The following UGT1A9 variants were observed in gnomAD, a reference collection of about 807,000 sequenced individuals.
UGT1A9 encodes the protein UDP-glucuronosyltransferase 1A9.
Under a neutral mutation model 45.0 loss-of-function variants are expected in UGT1A9, and 35 were observed. The observed-to-expected ratio is 0.78, with a 90% CI of 0.59 to 1.03. The LOEUF (loss-of-function observed/expected upper bound fraction) is 1.03, where lower values mean the gene tolerates loss of function less well. Ranked by LOEUF, UGT1A9 falls within the 50% of genes least tolerant of loss-of-function variation. UGT1A9 has a pLI of 0.00. For missense variants in UGT1A9, 687 were observed against 666.6 expected, an observed-to-expected ratio of 1.03 and a Z score of -0.34; for synonymous variants, 278 against 250.6, an observed-to-expected ratio of 1.11 and a Z score of -1.03.
intron 1 of UGT1A9, among the ~76,000 whole-genome samples, chr2:233,702,341 T>C (rs1039044704): frequency 4.6e-5 from 7 of 152,218 alleles, no homozygotes; most frequent in African/African-American, 1.7e-4. Flanking sequence ...TGTTTATTTG[T>C]TCTAATAGTT....
intron 1 of UGT1A9, among the ~76,000 whole-genome samples, chr2:233,688,483 A>G (rs1485805060): frequency 1.3e-5 from 2 of 152,138 alleles, no homozygotes; most frequent in African/African-American, 4.8e-5. Context: ...TCCTATCTCC[A>G]TCCTTTTGGG....
At chr2:233,711,086 CTA>C (rs1559357470) in intron 1 of UGT1A9, among the ~76,000 whole-genome samples, 1 of 152,212 alleles carries the variant, frequency 6.6e-6, no homozygotes, top group Non-Finnish European at 1.5e-5. Context: ...GGCTCCAAGT[CTA>C]TCTGTGCAGC....
At chr2:233,767,511 A>G (rs1020159718) in intron 2 of UGT1A9, among the ~76,000 whole-genome samples, 21 of 152,248 alleles carry the variant, frequency 1.4e-4, no homozygotes, top group African/African-American at 3.9e-4. Context: ...GTTGGTTAGA[A>G]CACTGAATTT....
intron 1 of UGT1A9, chr2:233,693,169 G>C (rs2075135858): frequency 6.2e-7 from 1 of 1,614,188 alleles, no homozygotes; most frequent in African/African-American, 1.3e-5. Flanking sequence ...GGGGTCATGA[G>C]ATTGTAGTGG....
Position 233,773,005 on chromosome 2 carries a change from C to A in UGT1A9, c.*446C>A. ...GTCAGTCCTCATCTCTGTCGTGCTT[C>A]ATAGGTGCCACCTTGTGTGTTTAAA... On this transcript the variant is annotated 3_prime_UTR_variant, in exon 5 of 5. Transcript: ENST00000354728. 4.6e-6 allele frequency: 1 copy of A among 219,060 alleles called. No individual in the cohort carries two copies. 13.6% of individuals were successfully genotyped at this position (219,060 alleles called of 1,614,324 possible).
At position 233,672,552 on chromosome 2, in the gene UGT1A9, AGTACG is replaced by A. The variant is rs2074230618; in HGVS notation, c.620_624del (p.Val207GlufsTer25). 1 of 1,613,814 alleles carries A rather than the reference AGTACG, an allele frequency of 6.2e-7. No homozygotes were observed. Among genetic ancestry groups the A allele is most frequent in the African/African-American group, 1.3e-5 (1 of 74,904 alleles). On this transcript the variant is annotated frameshift_variant, in exon 1 of 5. Transcript: ENST00000354728. LOFTEE classifies it high-confidence loss of function. Reference sequence around the variant, plus strand: ...CAGATGCCATGACTTTCAAGGAGAGAGTACGGAACCACATCATGCACTTGGAGGAA... The same window carrying A: ...CAGATGCCATGACTTTCAAGGAGAGAGAACCACATCATGCACTTGGAGGAA...
intron 1 of UGT1A9, chr2:233,691,573 TG>T: frequency 1.0e-6 from 1 of 985,626 alleles, no homozygotes; most frequent in Non-Finnish European, 1.2e-6. Flanking sequence ...CACCTCTCAC[TG>T]GGACAGCCTA....
chr2:233,728,193 T>C (rs906466862), intron 1 of UGT1A9, among the ~76,000 whole-genome samples: 7 of 152,224 alleles, frequency 4.6e-5, no homozygotes, highest in African/African-American at 1.7e-4. Context: ...AACTTGGTGC[T>C]GGATTGACTT....
intron 1 of UGT1A9, among the ~76,000 whole-genome samples, chr2:233,697,593 A>T (rs1575461386): frequency 2.2e-5 from 3 of 138,614 alleles, no homozygotes; most frequent in African/African-American, 2.7e-5. Flanking sequence ...GATCTTTATT[A>T]TTTCTTTCCT....
At position 233,680,731 on chromosome 2, in the gene UGT1A9, T is replaced by G. The variant is rs188576651; in HGVS notation, c.855+7942T>G. ...AATCTCATCCTCAAGGGGTGCTCGG[T>G]AGAATGGAGGAAACAATACATAGAT... On this transcript the variant is annotated intron_variant, in intron 1 of 4. Coordinates refer to ENST00000354728, the MANE Select transcript of UGT1A9 (RefSeq NM_021027.3). Among the ~76,000 whole-genome samples, 298 of 152,004 alleles carry G rather than the reference T, an allele frequency of 2.0e-3. 2 individuals carry two copies. Among genetic ancestry groups the G allele is most frequent in the African/African-American group, 6.9e-3 (285 of 41,438 alleles).
At chr2:233,754,155 A>T (rs1695407663) in intron 1 of UGT1A9, 1 of 153,430 alleles carries the variant, frequency 6.5e-6, no homozygotes, top group Admixed American at 6.4e-5. Flanking sequence ...AAATTAAGCC[A>T]GAGTATTAAT....
Position 233,693,101 on chromosome 2 carries a change from C to T in UGT1A9, c.855+20312C>T, listed in dbSNP as rs1056441481. 6 of 1,613,966 alleles carry T rather than the reference C, an allele frequency of 3.7e-6. No homozygotes were observed. The African/African-American group carries it at 4.0e-5, about 11-fold the overall frequency. ...TGTAGGTGACAAGCTGCTGGTGGTCCCTCAGGACGGAAGCCACTGGCTTAG... is the reference window on the plus strand; with the variant it reads ...TGTAGGTGACAAGCTGCTGGTGGTCTCTCAGGACGGAAGCCACTGGCTTAG... On this transcript the variant is annotated intron_variant, in intron 1 of 4. Coordinates refer to ENST00000354728, the MANE Select transcript of UGT1A9 (RefSeq NM_021027.3).
At chr2:233,765,145 T>A (rs1698762439) in intron 1 of UGT1A9, among the ~76,000 whole-genome samples, 1 of 152,138 alleles carries the variant, frequency 6.6e-6, no homozygotes, top group Admixed American at 6.5e-5. Context: ...ACATCACATG[T>A]CCTAGGGAAC....
chr2:233,767,119 A>C lies in UGT1A9; in HGVS notation c.941A>C (p.Lys314Thr). 6.2e-7 allele frequency: 1 copy of C among 1,614,168 alleles called. No individual in the cohort carries two copies. Among genetic ancestry groups the C allele is most frequent in the Non-Finnish European group, 8.5e-7 (1 of 1,180,014 alleles). The change falls in exon 2 of 5, where the codon AAG (lysine) becomes ACG (threonine). Residue 314 changes from lysine (K) to threonine (T), a missense_variant. Physicochemically the swap from Lys to Thr is moderately conservative, Grantham distance 78. Coordinates refer to ENST00000354728, the MANE Select transcript of UGT1A9 (RefSeq NM_021027.3). ...TCAATGGTCTCAGAAATTCCAGAGA[A>C]GAAAGCTATGGCAATTGCTGATGCT... ...LGSMVSEIPE[K>T]KAMAIADALG...
chr2:233,703,269 T>G (rs780470633), intron 1 of UGT1A9, among the ~76,000 whole-genome samples: 39 of 152,216 alleles, frequency 2.6e-4, no homozygotes, highest in Non-Finnish European at 4.9e-4. Context: ...ATACTTTCTG[T>G]TTCTGTAAGG....
At chr2:233,749,258 T>A (rs1694154027) in intron 1 of UGT1A9, among the ~76,000 whole-genome samples, 1 of 151,972 alleles carries the variant, frequency 6.6e-6, no homozygotes, top group African/African-American at 2.4e-5. Flanking sequence ...ATTTTTTTAT[T>A]GGTGATTTTC....
chr2:233,739,074 T>A (rs1271021354), intron 1 of UGT1A9: 1 of 152,242 alleles, frequency 6.6e-6, no homozygotes, highest in Non-Finnish European at 1.5e-5. Flanking sequence ...GGTGCAAACC[T>A]CAAGCCTTGG....
chr2:233,717,547 C>T (rs888437914), intron 1 of UGT1A9, among the ~76,000 whole-genome samples: 1 of 152,196 alleles, frequency 6.6e-6, no homozygotes, highest in African/African-American at 2.4e-5. Flanking sequence ...TCAGCCTCAC[C>T]AGCAATGGCA....
intron 1 of UGT1A9, chr2:233,718,927 C>T (rs149779946): frequency 8.1e-5 from 131 of 1,614,002 alleles, no homozygotes; most frequent in Non-Finnish European, 1.0e-4. Context: ...GTGGTGCCCA[C>T]TGATGGCAGC....
Sources: allele counts gnomAD v4.1 joint callset (sites outside exome capture counted in the v4.1 genomes callset), GRCh38; gene constraint gnomAD v4.1.1; transcripts MANE v1.5; gene names NCBI Gene and HGNC (gene_info 2026-07-23, HGNC 2026-07-21).